Variants in DDX10 observed in about 807,000 individuals in gnomAD.
The protein encoded by DDX10 is probable ATP-dependent RNA helicase DDX10.
Under a neutral mutation model 104.3 loss-of-function variants are expected in DDX10, and 74 were observed. The observed-to-expected ratio is 0.71, with a 90% CI of 0.59 to 0.86. DDX10 has a LOEUF of 0.86. DDX10 is among the 40% of genes least tolerant of loss of function. The pLI, the probability that DDX10 is intolerant of heterozygous loss-of-function variation, is 0.00. For synonymous variants in DDX10, 351 were observed against 353.4 expected, an observed-to-expected ratio of 0.99 and a Z score of 0.08; for missense variants, 952 against 1,040.0, an observed-to-expected ratio of 0.92 and a Z score of 1.16.
chr11:108,693,702 G>A (rs1403219919), intron 9 of DDX10, 102 bp downstream of exon 9: 14 of 920,158 alleles, frequency 1.5e-5, no homozygotes, highest in Admixed American at 3.6e-5. Context: ...GTAAGTGAGT[G>A]CTGGTTTGGC....
intron 16 of DDX10, among the ~76,000 whole-genome samples, chr11:108,859,636 A>G (rs1360492632): frequency 6.6e-6 from 1 of 152,190 alleles, no homozygotes; most frequent in Non-Finnish European, 1.5e-5. Context: ...AGCTTAGGTG[A>G]AGTTAGAGAT....
intron 15 of DDX10, among the ~76,000 whole-genome samples, chr11:108,843,541 C>T (rs930005387): frequency 6.6e-6 from 1 of 151,860 alleles, no homozygotes; most frequent in Admixed American, 6.6e-5. Flanking sequence ...GAGTGGATCA[C>T]GAGGTCAGGA....
intron 1 of DDX10, among the ~76,000 whole-genome samples, chr11:108,672,242 T>C (rs566442980): frequency 1.6e-4 from 24 of 152,248 alleles, no homozygotes; most frequent in African/African-American, 5.8e-4. Flanking sequence ...GCCTGTACTG[T>C]GTCTCTTGCT....
At chr11:108,687,722 G>A (rs549837459) in intron 6 of DDX10, among the ~76,000 whole-genome samples, 59 of 152,138 alleles carry the variant, frequency 3.9e-4, no homozygotes, top group African/African-American at 1.3e-3. Context: ...TCTCCATTCC[G>A]TGGCTTATCT....
At chr11:108,760,675 GTTTTTTT>G (rs201234836) in intron 13 of DDX10, among the ~76,000 whole-genome samples, 1 of 129,700 alleles carries the variant, frequency 7.7e-6, no homozygotes, top group Non-Finnish European at 1.7e-5. Context: ...ACATAACACT[GTTTTTTT>G]TTTTTTTTTT....
chr11:108,825,724 A>T (rs990867076), intron 13 of DDX10, among the ~76,000 whole-genome samples: 1 of 152,242 alleles, frequency 6.6e-6, no homozygotes, highest in Non-Finnish European at 1.5e-5. Flanking sequence ...GACCATTTTC[A>T]TCACATTATA....
intron 10 of DDX10, among the ~76,000 whole-genome samples, chr11:108,712,476 A>T (rs1490145857): frequency 1.5e-4 from 23 of 149,004 alleles, no homozygotes; most frequent in Middle Eastern, 6.8e-3. Flanking sequence ...TTTTTTAGTG[A>T]TTGCTCTAAT....
intron 13 of DDX10, among the ~76,000 whole-genome samples, chr11:108,733,889 T>A (rs1262748656): frequency 6.6e-6 from 1 of 151,992 alleles, no homozygotes; most frequent in African/African-American, 2.4e-5. Context: ...TGCAGTTGGG[T>A]TTTGTAAGCT....
chr11:108,692,977 A>G, intron 8 of DDX10, among the ~76,000 whole-genome samples: 1 of 152,170 alleles, frequency 6.6e-6, no homozygotes, highest in South Asian at 2.1e-4. Flanking sequence ...TACATGTGCC[A>G]TGGTGGTTTG....
intron 9 of DDX10, among the ~76,000 whole-genome samples, chr11:108,703,070 C>T (rs928966451): frequency 1.3e-5 from 2 of 152,130 alleles, no homozygotes; most frequent in African/African-American, 2.4e-5. Flanking sequence ...TAAAATAGTT[C>T]ATCATGGTGA....
At chr11:108,802,466 A>G (rs899685841) in intron 13 of DDX10, among the ~76,000 whole-genome samples, 1 of 152,194 alleles carries the variant, frequency 6.6e-6, no homozygotes, top group Middle Eastern at 3.2e-3. Flanking sequence ...TTGTTTATGC[A>G]TAAGAAAGGT....
chr11:108,828,150 G>A (rs906532659), intron 13 of DDX10, among the ~76,000 whole-genome samples: 2 of 152,082 alleles, frequency 1.3e-5, no homozygotes, highest in East Asian at 3.9e-4. Context: ...TTTATTATTT[G>A]TTTTTAATTT....
At chr11:108,809,031 T>C (rs934817114) in intron 13 of DDX10, among the ~76,000 whole-genome samples, 8 of 152,142 alleles carry the variant, frequency 5.3e-5, no homozygotes, top group Non-Finnish European at 1.5e-5. Flanking sequence ...TTTTTTTTTT[T>C]CAGGAAATGC....
intron 16 of DDX10, among the ~76,000 whole-genome samples, chr11:108,852,721 G>A (rs17108652): frequency 0.03 from 4,581 of 152,246 alleles, 227 homozygotes; most frequent in African/African-American, 0.1. Context: ...CATATGTACA[G>A]TTTTCCTCAA....
intron 9 of DDX10, among the ~76,000 whole-genome samples, chr11:108,705,575 G>C (rs2094274677): frequency 6.6e-6 from 1 of 152,106 alleles, no homozygotes; most frequent in African/African-American, 2.4e-5. Context: ...AGGAACATTA[G>C]ATCACTGGAG....
At chr11:108,852,816 T>C (rs1466719376) in intron 16 of DDX10, among the ~76,000 whole-genome samples, 1 of 152,254 alleles carries the variant, frequency 6.6e-6, no homozygotes, top group African/African-American at 2.4e-5. Flanking sequence ...GTTCAGCTTC[T>C]GCATTCTGAG....
chr11:108,673,387 C>T, intron 1 of DDX10, 80 bp from the exon 2 acceptor site: 3 of 881,016 alleles, frequency 3.4e-6, no homozygotes, highest in Non-Finnish European at 5.5e-6. Flanking sequence ...CAAGGATGAG[C>T]TGGGCAATAC....
chr11:108,748,472 A>C (rs1444823467), intron 13 of DDX10, among the ~76,000 whole-genome samples: 1 of 152,204 alleles, frequency 6.6e-6, no homozygotes, highest in Non-Finnish European at 1.5e-5. Context: ...ACAATTGCAG[A>C]ATATTCATTC....
intron 15 of DDX10, among the ~76,000 whole-genome samples, chr11:108,844,171 T>A (rs1862680572): frequency 6.6e-6 from 1 of 152,094 alleles, no homozygotes; most frequent in Admixed American, 6.5e-5. Context: ...TTTTTTTTTT[T>A]AAAGTGACAA....
Sources: gnomAD v4.1 joint callset for allele counts (sites outside exome capture counted in the v4.1 genomes callset) on GRCh38, gnomAD v4.1.1 for gene constraint, MANE v1.5 for transcripts, NCBI Gene and HGNC (gene_info 2026-07-23, HGNC 2026-07-21) for gene names.